Variants in MRTFB observed in about 807,000 individuals in gnomAD.
The protein encoded by MRTFB is myocardin related transcription factor B, also known as myocardin-related transcription factor B.
Under a neutral mutation model 104.2 loss-of-function variants are expected in MRTFB, and 29 were observed. That is an observed-to-expected ratio of 0.28 (90% CI 0.21 to 0.38). The LOEUF is 0.38. Ranked by LOEUF, MRTFB falls within the 10% of genes least tolerant of loss-of-function variation. The probability of loss-of-function intolerance (pLI) is 1.00; values close to 1 mark genes in which losing one functional copy is unlikely to be tolerated. For missense variants in MRTFB, 1,270 were observed against 1,341.6 expected (o/e 0.95, Z 0.83); for synonymous variants, 535 against 519.5 (o/e 1.03, Z -0.41).
the MRTFB span, among the ~76,000 whole-genome samples, chr16:14,063,227 C>A: frequency 6.6e-6 from 1 of 152,190 alleles, no homozygotes; most frequent in African/African-American, 2.4e-5. Flanking sequence ...TCACAACACC[C>A]TTCTGCTTCT....
At chr16:14,225,697 C>T (rs1238844271) in intron 8 of MRTFB, among the ~76,000 whole-genome samples, 2 of 151,394 alleles carry the variant, frequency 1.3e-5, no homozygotes, top group Non-Finnish European at 3.0e-5. Flanking sequence ...TTCATTCATG[C>T]CTGGCTAATT....
intron 2 of MRTFB, among the ~76,000 whole-genome samples, chr16:14,081,306 T>TC (rs1027971772): frequency 3.1e-4 from 47 of 151,674 alleles, no homozygotes; most frequent in African/African-American, 1.1e-3. Flanking sequence ...TTTTTTTTTT[T>TC]TTTGAGACAG....
At chr16:14,160,078 ATAT>A (rs1401945839) in intron 3 of MRTFB, among the ~76,000 whole-genome samples, 18 of 152,326 alleles carry the variant, frequency 1.2e-4, no homozygotes, top group African/African-American at 4.1e-4. Flanking sequence ...TGGCATAGTA[ATAT>A]TATTTAATGC....
chr16:14,135,345 T>G (rs967112621), intron 2 of MRTFB, among the ~76,000 whole-genome samples: 4 of 152,256 alleles, frequency 2.6e-5, no homozygotes, highest in African/African-American at 9.6e-5. Flanking sequence ...CATACAATTA[T>G]AATGCTTTAT....
intron 8 of MRTFB, among the ~76,000 whole-genome samples, chr16:14,219,778 ATTTG>A (rs1230551685): frequency 6.6e-6 from 1 of 152,080 alleles, no homozygotes; most frequent in Non-Finnish European, 1.5e-5. Context: ...AAATATGTTT[ATTTG>A]TTTGTTGTCT....
chr16:14,050,361 T>C, the MRTFB span, among the ~76,000 whole-genome samples: 24 of 152,154 alleles, frequency 1.6e-4, no homozygotes, highest in Non-Finnish European at 3.2e-4. Flanking sequence ...GACCAAAGTC[T>C]CAATTTTTTT....
chr16:14,219,569 T>G lies in MRTFB; in HGVS notation c.693+571T>G, dbSNP rs376018313. 3.9e-5 allele frequency among the ~76,000 whole-genome samples: 6 copies of G among 152,276 alleles called. 1 individual carries two copies. The highest frequency in any genetic ancestry group is 1.4e-4 in the African/African-American group (6 of 41,548). ...CTTGATAAGCCTGGCATCATAGAAT[T>G]TTTGAGTTAGAAAGGAATTTAGCAA... On this transcript the variant is annotated intron_variant, in intron 8 of 16. Coordinates refer to ENST00000571589, the MANE Select transcript of MRTFB (RefSeq NM_001308142.2).
chr16:14,182,656 T>C (rs1369236012), intron 3 of MRTFB, among the ~76,000 whole-genome samples: 1 of 152,130 alleles, frequency 6.6e-6, no homozygotes, highest in Non-Finnish European at 1.5e-5. Flanking sequence ...GCAGTGAGCA[T>C]ACCTAGCATT....
chr16:14,234,825 C>T (rs1341132862), intron 9 of MRTFB, among the ~76,000 whole-genome samples: 1 of 152,050 alleles, frequency 6.6e-6, no homozygotes, highest in African/African-American at 2.4e-5. Context: ...ACTACTGGGG[C>T]TACGCAGAAA....
upstream of MRTFB, among the ~76,000 whole-genome samples, chr16:14,071,124 G>C (rs973254634): frequency 6.6e-6 from 1 of 152,172 alleles, no homozygotes; most frequent in African/African-American, 2.4e-5. Flanking sequence ...TCGCACCTGG[G>C]CTTTAACCCT....
In MRTFB at chr16:14,263,367, A is replaced by G. The variant is rs773854454; in HGVS notation, c.*1923A>G. On this transcript the variant is annotated 3_prime_UTR_variant, in exon 17 of 17. Transcript: ENST00000571589. ...AGGGGCCTGTCTCCAGGGCCAGGCT[A>G]TTTACTTGGGAAAGTATTTTTCTTA... 5 of 152,104 alleles carry G rather than the reference A, an allele frequency of 3.3e-5. No individual in the cohort carries two copies. The highest frequency in any genetic ancestry group is 2.1e-4 in the South Asian group (1 of 4,824). 9.4% of individuals were successfully genotyped at this position (152,104 alleles called of 1,614,324 possible). A position where few individuals can be genotyped will look rare whatever the true frequency, so the allele number is the denominator to read the frequency against.
intron 10 of MRTFB, among the ~76,000 whole-genome samples, chr16:14,241,892 CT>C (rs2042781040): frequency 6.6e-6 from 1 of 151,762 alleles, no homozygotes. Context: ...AGACAAGCTG[CT>C]GCTACTTTGC....
At chr16:14,035,794 T>C in the MRTFB span, among the ~76,000 whole-genome samples, 2 of 152,034 alleles carry the variant, frequency 1.3e-5, no homozygotes, top group East Asian at 1.9e-4. Flanking sequence ...AGTTCTTTAG[T>C]GGTGATTTGT....
At chr16:14,101,689 A>T (rs2035709901) in intron 2 of MRTFB, among the ~76,000 whole-genome samples, 1 of 152,126 alleles carries the variant, frequency 6.6e-6, no homozygotes, top group African/African-American at 2.4e-5. Flanking sequence ...GAGGAGGAAA[A>T]CTTGGGGGTA....
chr16:14,251,405 G>C (rs2043251034), intron 13 of MRTFB, among the ~76,000 whole-genome samples: 2 of 147,398 alleles, frequency 1.4e-5, no homozygotes, highest in South Asian at 4.3e-4. Flanking sequence ...AAAAAGACTT[G>C]AGAGTAGATG....
At chr16:14,228,722 C>A (rs990658163) in intron 8 of MRTFB, among the ~76,000 whole-genome samples, 2 of 152,214 alleles carry the variant, frequency 1.3e-5, no homozygotes, top group Non-Finnish European at 2.9e-5. Context: ...TATATTTATA[C>A]GTTGGAATAG....
chr16:14,248,837 C>T, intron 12 of MRTFB, 89 bp from the exon 13 acceptor site: 1 of 1,398,804 alleles, frequency 7.1e-7, no homozygotes, highest in Non-Finnish European at 9.8e-7. Context: ...GATACAATCC[C>T]CAAGTGACCA....
chr16:14,190,764 A>C (rs1433666539), intron 3 of MRTFB, among the ~76,000 whole-genome samples: 1 of 152,206 alleles, frequency 6.6e-6, no homozygotes, highest in African/African-American at 2.4e-5. Flanking sequence ...CAGGACAACT[A>C]TCCCAGGCAG....
intron 8 of MRTFB, among the ~76,000 whole-genome samples, chr16:14,225,573 A>T (rs1044666078): frequency 4.6e-5 from 7 of 152,218 alleles, no homozygotes; most frequent in Non-Finnish European, 1.0e-4. Flanking sequence ...TGACAAACCC[A>T]GTTTCTCAGA....
Sources: allele counts gnomAD v4.1 joint callset (sites outside exome capture counted in the v4.1 genomes callset), GRCh38; gene constraint gnomAD v4.1.1; transcripts MANE v1.5; gene names NCBI Gene and HGNC (gene_info 2026-07-23, HGNC 2026-07-21).